NRG3: variants seen among roughly 807,000 people sequenced by gnomAD.
NRG3 encodes pro-neuregulin-3, membrane-bound isoform.
NRG3 carries 31 observed loss-of-function variants against 66.9 expected under a neutral mutation model. That is an observed-to-expected ratio of 0.46 (90% confidence interval 0.35 to 0.63). The LOEUF is 0.63. Among genes scored for constraint, NRG3 ranks in the 20% least tolerant of loss-of-function variants. The pLI, the probability that NRG3 is intolerant of heterozygous loss-of-function variation, is 0.00. For synonymous variants in NRG3, 393 were observed against 359.4 expected (o/e 1.09, Z -1.06); for missense variants, 910 against 878.9 (o/e 1.04, Z -0.45).
chr10:81,952,715 C>T (rs1037710108), intron 1 of NRG3, among the ~76,000 whole-genome samples: 1 of 152,086 alleles, frequency 6.6e-6, no homozygotes, highest in Non-Finnish European at 1.5e-5. Context: ...GCGATCCTTC[C>T]ACCTCAGCCT....
chr10:82,045,883 T>C (rs1244827607), intron 1 of NRG3, among the ~76,000 whole-genome samples: 3 of 149,736 alleles, frequency 2.0e-5, no homozygotes, highest in African/African-American at 7.5e-5. Context: ...GTTGTAGATA[T>C]GCGGTGTTAT....
At chr10:82,145,999 A>G (rs1360665532) in intron 1 of NRG3, among the ~76,000 whole-genome samples, 2 of 152,202 alleles carry the variant, frequency 1.3e-5, no homozygotes, top group African/African-American at 2.4e-5. Flanking sequence ...ACATTGTGAT[A>G]AAATCATATT....
intron 4 of NRG3, among the ~76,000 whole-genome samples, chr10:82,908,219 C>T (rs903598209): frequency 2.6e-5 from 4 of 152,168 alleles, no homozygotes; most frequent in African/African-American, 9.7e-5. Flanking sequence ...CATGGCCTGG[C>T]ACATGTAAGC....
At chr10:82,863,079 C>T in intron 3 of NRG3, among the ~76,000 whole-genome samples, 1 of 152,160 alleles carries the variant, frequency 6.6e-6, no homozygotes, top group East Asian at 1.9e-4. Flanking sequence ...TCTCATTGTT[C>T]AACTCCCACT....
chr10:82,501,454 C>T (rs913646314), intron 2 of NRG3, among the ~76,000 whole-genome samples: 4 of 152,138 alleles, frequency 2.6e-5, no homozygotes, highest in South Asian at 2.1e-4. Context: ...TTCAAGGTTC[C>T]GCAGGCCCTC....
At chr10:82,369,319 G>T (rs1177096711) in intron 2 of NRG3, among the ~76,000 whole-genome samples, 2 of 138,238 alleles carry the variant, frequency 1.4e-5, no homozygotes, top group African/African-American at 6.7e-5. Context: ...TATTTTTAGA[G>T]ATAGGTTCTT....
At chr10:82,384,675 A>C (rs1230113577) in intron 2 of NRG3, among the ~76,000 whole-genome samples, 1 of 152,142 alleles carries the variant, frequency 6.6e-6, no homozygotes, top group Admixed American at 6.6e-5. Context: ...TATATAGTCT[A>C]TCATTGATGG....
intron 1 of NRG3, among the ~76,000 whole-genome samples, chr10:82,044,426 A>T (rs749125704): frequency 6.6e-6 from 1 of 151,948 alleles, no homozygotes; most frequent in Non-Finnish European, 1.5e-5. Context: ...TAACATGCAC[A>T]TCTAAGGGAT....
intron 4 of NRG3, among the ~76,000 whole-genome samples, chr10:82,920,355 G>A (rs1314735155): frequency 6.6e-6 from 1 of 152,118 alleles, no homozygotes; most frequent in African/African-American, 2.4e-5. Context: ...AGATGAGTAA[G>A]GGGAGGAGAC....
chr10:82,136,326 T>G (rs150946173), intron 1 of NRG3, among the ~76,000 whole-genome samples: 1 of 152,164 alleles, frequency 6.6e-6, no homozygotes, highest in East Asian at 1.9e-4. Context: ...ACAGCAACCA[T>G]TGCCTGGCTC....
intron 4 of NRG3, among the ~76,000 whole-genome samples, chr10:82,911,569 G>A (rs143504940): frequency 1.3e-5 from 2 of 151,634 alleles, no homozygotes; most frequent in Non-Finnish European, 2.9e-5. Context: ...TAATATTGAT[G>A]AGATCAGTAG....
At chr10:82,321,446 GATT>G (rs2081575382) in intron 1 of NRG3, among the ~76,000 whole-genome samples, 1 of 152,194 alleles carries the variant, frequency 6.6e-6, no homozygotes, top group African/African-American at 2.4e-5. Context: ...CCTGCGACGT[GATT>G]ATTGTTTCCC....
chr10:82,226,236 T>A (rs961053329), intron 1 of NRG3, among the ~76,000 whole-genome samples: 1 of 152,114 alleles, frequency 6.6e-6, no homozygotes, highest in African/African-American at 2.4e-5. Context: ...TGAGACCAGT[T>A]TTCCTCACCA....
chr10:82,506,131 C>A (rs972182672), intron 2 of NRG3, among the ~76,000 whole-genome samples: 1 of 152,122 alleles, frequency 6.6e-6, no homozygotes, highest in Admixed American at 6.5e-5. Context: ...GCCTGTAACC[C>A]CAGCTACTCG....
intron 1 of NRG3, chr10:82,225,620 A>G (rs923807206): frequency 6.6e-6 from 1 of 152,212 alleles, no homozygotes; most frequent in African/African-American, 2.4e-5. Context: ...ATCTAGTACA[A>G]ATAATTAAAC....
At chr10:82,411,681 G>A (rs2088103965) in intron 2 of NRG3, among the ~76,000 whole-genome samples, 2 of 152,108 alleles carry the variant, frequency 1.3e-5, no homozygotes, top group African/African-American at 4.8e-5. Context: ...GTGAATAACT[G>A]TTTGAGAATG....
chr10:81,889,141 A>T (rs1040275847), intron 1 of NRG3: 4 of 152,192 alleles, frequency 2.6e-5, no homozygotes, highest in African/African-American at 9.6e-5. Context: ...AACAAGAAGG[A>T]ACTCTTGATT....
chr10:82,682,398 CAGATAGATAGATAGAT>C (rs57109130), intron 2 of NRG3, among the ~76,000 whole-genome samples: 19 of 149,640 alleles, frequency 1.3e-4, no homozygotes, highest in East Asian at 8.0e-4. Flanking sequence ...AGTAGATAGA[CAGATAGATAGATAGAT>C]AGATAGATAG....
intron 6 of NRG3, among the ~76,000 whole-genome samples, chr10:82,962,133 G>C (rs1421919656): frequency 2.0e-5 from 3 of 152,130 alleles, no homozygotes; most frequent in Non-Finnish European, 4.4e-5. Flanking sequence ...TGACTCCAAG[G>C]CTGCAGAACT....
Sources: gnomAD v4.1 joint callset for allele counts (sites outside exome capture counted in the v4.1 genomes callset) on GRCh38, gnomAD v4.1.1 for gene constraint, MANE v1.5 for transcripts, NCBI Gene and HGNC (gene_info 2026-07-23, HGNC 2026-07-21) for gene names.